ARHGAP6: variants seen among roughly 807,000 people sequenced by gnomAD.
ARHGAP6 encodes the protein Rho GTPase activating protein 6.
Under a neutral mutation model 55.7 loss-of-function variants are expected in ARHGAP6, and 16 were observed. The ratio of observed to expected loss-of-function variants is 0.29; its 90% CI spans 0.19 to 0.44. ARHGAP6 has a LOEUF of 0.44. Ranked by LOEUF, ARHGAP6 falls within the 20% of genes least tolerant of loss-of-function variation. ARHGAP6 has a pLI of 1.00. For synonymous variants in ARHGAP6, 382 were observed against 360.9 expected (o/e 1.06, Z -0.66); for missense variants, 698 against 808.9 (o/e 0.86, Z 1.66).
chrX:11,276,409 C>G (rs927874763), intron 1 of ARHGAP6, among the ~76,000 whole-genome samples: 3 of 111,977 alleles, frequency 2.7e-5, no homozygotes, highest in African/African-American at 9.7e-5. Flanking sequence ...GCAATTCTGT[C>G]TATACAGAAA....
At chrX:11,308,768 T>C (rs1324104896) in intron 1 of ARHGAP6, among the ~76,000 whole-genome samples, 1 of 112,121 alleles carries the variant, frequency 8.9e-6, no homozygotes, top group Non-Finnish European at 1.9e-5. Context: ...TTAAGACCCA[T>C]GCAACAGTAA....
chrX:11,191,492 T>C (rs2046461246), intron 3 of ARHGAP6, among the ~76,000 whole-genome samples: 1 of 111,976 alleles, frequency 8.9e-6, no homozygotes, highest in Non-Finnish European at 1.9e-5. Flanking sequence ...ATCTTCAACC[T>C]CTTTTTTTCT....
chrX:11,229,125 A>T (rs1222613742), intron 2 of ARHGAP6, among the ~76,000 whole-genome samples: 1 of 112,604 alleles, frequency 8.9e-6, no homozygotes, highest in Non-Finnish European at 1.9e-5. Context: ...AAGAAGACAA[A>T]ACTTATTTTA....
At chrX:11,480,134 CA>C (rs912587277) in intron 1 of ARHGAP6, among the ~76,000 whole-genome samples, 2 of 111,743 alleles carry the variant, frequency 1.8e-5, no homozygotes, top group Admixed American at 1.9e-4. Flanking sequence ...CCTATCCACA[CA>C]AAAACTTGTG....
intron 1 of ARHGAP6, among the ~76,000 whole-genome samples, chrX:11,637,475 A>T (rs2052430953): frequency 1.8e-5 from 2 of 111,863 alleles, no homozygotes; most frequent in Non-Finnish European, 1.9e-5. Context: ...TTTCATTTTC[A>T]TTCCTCCTGT....
chrX:11,585,772 A>G (rs1350250241), intron 1 of ARHGAP6, among the ~76,000 whole-genome samples: 1 of 112,148 alleles, frequency 8.9e-6, no homozygotes. Flanking sequence ...TAGTTTATAA[A>G]GAAAACAGGC....
intron 1 of ARHGAP6, among the ~76,000 whole-genome samples, chrX:11,349,722 T>C (rs1467498186): frequency 8.9e-6 from 1 of 112,203 alleles, no homozygotes; most frequent in Non-Finnish European, 1.9e-5. Flanking sequence ...CCCAGACTAC[T>C]ATCCAAAAGA....
chrX:11,507,068 T>C (rs1301827876), intron 1 of ARHGAP6, among the ~76,000 whole-genome samples: 1 of 112,050 alleles, frequency 8.9e-6, no homozygotes, highest in Non-Finnish European at 1.9e-5. Flanking sequence ...GCACAGAGCC[T>C]TGTAGGACTC....
chrX:11,490,050 G>A (rs752180030), intron 1 of ARHGAP6, among the ~76,000 whole-genome samples: 3 of 111,295 alleles, frequency 2.7e-5, no homozygotes, highest in Non-Finnish European at 5.7e-5. Flanking sequence ...AGAAATACGG[G>A]TGGCAGACAT....
intron 1 of ARHGAP6, among the ~76,000 whole-genome samples, chrX:11,404,229 T>C (rs2049584072): frequency 9.0e-6 from 1 of 111,146 alleles, no homozygotes; most frequent in African/African-American, 3.3e-5. Context: ...CCCCCTACCA[T>C]TGCAAATCAT....
intron 10 of ARHGAP6, among the ~76,000 whole-genome samples, chrX:11,146,888 T>C (rs1299247269): frequency 8.9e-6 from 1 of 111,990 alleles, no homozygotes; most frequent in African/African-American, 3.3e-5. Context: ...CCTATCATTT[T>C]ATTGTCTTAG....
chrX:11,214,045 C>G (rs1182045207), intron 2 of ARHGAP6, among the ~76,000 whole-genome samples: 1 of 111,157 alleles, frequency 9.0e-6, no homozygotes, highest in Non-Finnish European at 1.9e-5. Flanking sequence ...ATGAATACAT[C>G]TTAATTCTTG....
intron 1 of ARHGAP6, among the ~76,000 whole-genome samples, chrX:11,344,135 A>T (rs767009038): frequency 9.0e-6 from 1 of 111,641 alleles, no homozygotes; most frequent in South Asian, 3.8e-4. Flanking sequence ...AATCAGGGTT[A>T]CTCAATATAA....
chrX:11,443,960 A>T (rs1603209277), intron 1 of ARHGAP6, among the ~76,000 whole-genome samples: 1 of 112,386 alleles, frequency 8.9e-6, no homozygotes, highest in East Asian at 2.8e-4. Context: ...AAACCAAAAA[A>T]AAAAAAATAT....
rs953912280 is a variant in ARHGAP6 at position 11,304,777 on chromosome X, C to CTTT, written c.589-50073_589-50071dup. On this transcript the variant is annotated intron_variant, in intron 1 of 12. Transcript: ENST00000337414. ...AAGGATTTCATTTTTCTTTCTTTTACTTTTTTTTTTTTTTTTTTTTTTTTT... is the reference window on the plus strand; with the variant it reads ...AAGGATTTCATTTTTCTTTCTTTTACTTTTTTTTTTTTTTTTTTTTTTTTTTTT... Among the ~76,000 whole-genome samples, 231 of 50,274 alleles carry CTTT rather than the reference C, an allele frequency of 4.6e-3. 24 individuals are homozygous for CTTT. Among genetic ancestry groups the CTTT allele is most frequent in the Middle Eastern group, 0.016 (1 of 61 alleles). The allele number at this position is 50,274 out of a possible 115,157, so 43.7% of individuals were successfully genotyped here.
chrX:11,610,129 T>TAAAAAAA (rs59200351), intron 1 of ARHGAP6, among the ~76,000 whole-genome samples: 2 of 88,778 alleles, frequency 2.3e-5, no homozygotes. Context: ...CTTCCTCCAG[T>TAAAAAAA]AAAAAAAAAA....
chrX:11,212,703 C>T (rs1371272652), intron 2 of ARHGAP6, among the ~76,000 whole-genome samples: 3 of 112,004 alleles, frequency 2.7e-5, no homozygotes, highest in Non-Finnish European at 3.8e-5. Flanking sequence ...TTAGGTCATG[C>T]TAATAAAGTG....
At chrX:11,561,916 G>A (rs1341651546) in intron 1 of ARHGAP6, among the ~76,000 whole-genome samples, 2 of 112,037 alleles carry the variant, frequency 1.8e-5, no homozygotes, top group African/African-American at 6.5e-5. Flanking sequence ...AATTCAGACG[G>A]AGGCCAGTGG....
At chrX:11,285,654 A>G (rs1018900263) in intron 1 of ARHGAP6, among the ~76,000 whole-genome samples, 1 of 111,894 alleles carries the variant, frequency 8.9e-6, no homozygotes, top group Non-Finnish European at 1.9e-5. Flanking sequence ...ACCAGTTATT[A>G]CCTCAATCAC....
Sources: gnomAD v4.1 joint callset for allele counts (sites outside exome capture counted in the v4.1 genomes callset) on GRCh38, gnomAD v4.1.1 for gene constraint, MANE v1.5 for transcripts, NCBI Gene and HGNC (gene_info 2026-07-23, HGNC 2026-07-21) for gene names.